The following XNDC1N variants were observed in gnomAD, a reference collection of about 807,000 sequenced individuals.
XNDC1N encodes XRCC1 N-terminal domain containing 1, N-terminal like, also known as protein XNDC1N.
the XNDC1N span, among the ~76,000 whole-genome samples, chr11:71,892,364 G>A: frequency 6.6e-6 from 1 of 152,038 alleles, no homozygotes; most frequent in Non-Finnish European, 1.5e-5. Context: ...TGTGATATCA[G>A]GAGTCGTATC....
chr11:71,888,737 C>T, the XNDC1N span, among the ~76,000 whole-genome samples: 3 of 152,216 alleles, frequency 2.0e-5, no homozygotes, highest in African/African-American at 7.2e-5. Context: ...TAAGGCCTCC[C>T]GTGCTGTCGT....
chr11:71,900,559 TCTC>T, the XNDC1N span, among the ~76,000 whole-genome samples: 3 of 152,124 alleles, frequency 2.0e-5, no homozygotes, highest in Non-Finnish European at 4.4e-5. Context: ...AAAATTTTGC[TCTC>T]CTCCCCCACT....
chr11:71,884,519 C>T, the XNDC1N span: 1 of 1,609,180 alleles, frequency 6.2e-7, no homozygotes, highest in Non-Finnish European at 8.5e-7. Flanking sequence ...GCATCTGCTG[C>T]AAACTGAAGA....
At chr11:71,889,762 G>A in the XNDC1N span, among the ~76,000 whole-genome samples, 10 of 152,266 alleles carry the variant, frequency 6.6e-5, no homozygotes, top group South Asian at 2.1e-3. Flanking sequence ...TTCTGGAGCA[G>A]CCCCCTTTGA....
chr11:71,917,568 T>A, the XNDC1N span: 4 of 703,558 alleles, frequency 5.7e-6, no homozygotes, highest in Non-Finnish European at 1.0e-5. Flanking sequence ...TAGTACTGCA[T>A]CTCTGTTTCT....
the XNDC1N span, among the ~76,000 whole-genome samples, chr11:71,869,094 CA>C: frequency 6.6e-6 from 1 of 152,018 alleles, no homozygotes; most frequent in Non-Finnish European, 1.5e-5. Context: ...GGTACATGTG[CA>C]CAATGCGCAG....
chr11:71,904,460 G>A, the XNDC1N span, among the ~76,000 whole-genome samples: 4 of 152,166 alleles, frequency 2.6e-5, no homozygotes, highest in African/African-American at 9.6e-5. Context: ...CATCTCCCTA[G>A]GATATTATGA....
At chr11:71,892,349 C>T in the XNDC1N span, among the ~76,000 whole-genome samples, 1 of 152,084 alleles carries the variant, frequency 6.6e-6, no homozygotes, top group Non-Finnish European at 1.5e-5. Context: ...ATGGTGTACA[C>T]TCACTGTGAT....
chr11:71,923,404 G>A, the XNDC1N span: 1 of 701,622 alleles, frequency 1.4e-6, no homozygotes, highest in South Asian at 1.5e-5. Context: ...TTCCTCTCAA[G>A]ATTTCTTCTG....
the XNDC1N span, among the ~76,000 whole-genome samples, chr11:71,881,319 T>A: frequency 1.3e-5 from 2 of 152,234 alleles, no homozygotes; most frequent in Non-Finnish European, 2.9e-5. Context: ...TTGTCCAATA[T>A]AAATATAGAT....
chr11:71,876,546 C>A, the XNDC1N span, among the ~76,000 whole-genome samples: 2 of 152,088 alleles, frequency 1.3e-5, no homozygotes, highest in Admixed American at 1.3e-4. Flanking sequence ...CCTCCTGGCT[C>A]CAAATCTCTT....
At chr11:71,922,250 T>C in the XNDC1N span, among the ~76,000 whole-genome samples, 1 of 152,240 alleles carries the variant, frequency 6.6e-6, no homozygotes. Flanking sequence ...TTTCTTAGAA[T>C]AGGGGTTAAT....
At chr11:71,891,973 G>C in the XNDC1N span, among the ~76,000 whole-genome samples, 1 of 151,914 alleles carries the variant, frequency 6.6e-6, no homozygotes, top group Admixed American at 6.5e-5. Flanking sequence ...ATCCCGGCGG[G>C]AGGTGGTACA....
chr11:71,885,100 C>A, the XNDC1N span, among the ~76,000 whole-genome samples: 1 of 152,020 alleles, frequency 6.6e-6, no homozygotes, highest in Non-Finnish European at 1.5e-5. Flanking sequence ...CGGTGTACAC[C>A]CTGGGTATAC....
At chr11:71,909,698 C>T in the XNDC1N span, among the ~76,000 whole-genome samples, 5 of 152,284 alleles carry the variant, frequency 3.3e-5, no homozygotes, top group African/African-American at 7.2e-5. Flanking sequence ...ATCGGAGCCA[C>T]GGGGGTTTCA....
the XNDC1N span, among the ~76,000 whole-genome samples, chr11:71,887,666 T>A: frequency 6.6e-6 from 1 of 152,152 alleles, no homozygotes; most frequent in Non-Finnish European, 1.5e-5. Context: ...CCTAAGAACT[T>A]TTGGAATTAT....
the XNDC1N span, among the ~76,000 whole-genome samples, chr11:71,875,782 C>T: frequency 5.2e-4 from 79 of 152,274 alleles, 1 homozygote; most frequent in African/African-American, 1.7e-3. Flanking sequence ...TCCCAGCACT[C>T]TGGGAGGCAG....
the XNDC1N span, among the ~76,000 whole-genome samples, chr11:71,914,609 C>T: frequency 1.3e-5 from 2 of 151,792 alleles, no homozygotes; most frequent in African/African-American, 4.8e-5. Flanking sequence ...ATTGCTTGAA[C>T]CCGGGAGGCA....
At chr11:71,892,876 G>A in the XNDC1N span, among the ~76,000 whole-genome samples, 1 of 152,150 alleles carries the variant, frequency 6.6e-6, no homozygotes, top group Non-Finnish European at 1.5e-5. Context: ...GAGTGTGCAT[G>A]TACTTTTATG....
Sources: allele counts gnomAD v4.1 joint callset (sites outside exome capture counted in the v4.1 genomes callset), GRCh38; gene constraint gnomAD v4.1.1; transcripts MANE v1.5; gene names NCBI Gene and HGNC (gene_info 2026-07-23, HGNC 2026-07-21).